The following SLC16A3 variants were observed in gnomAD, a reference collection of about 807,000 sequenced individuals.
SLC16A3 encodes solute carrier family 16 member 3.
In SLC16A3, 22 loss-of-function variants were observed where a neutral mutation model predicts 25.0. That is an observed-to-expected ratio of 0.88 (90% CI 0.63 to 1.26). The LOEUF (loss-of-function observed/expected upper bound fraction) is 1.26. Among genes scored for constraint, SLC16A3 ranks in the 50% most tolerant of loss-of-function variants. The pLI is 0.00. For synonymous variants in SLC16A3, 390 were observed against 309.2 expected (o/e 1.26, Z -2.74); for missense variants, 731 against 666.6 (o/e 1.10, Z -1.06).
At position 82,239,078 on chromosome 17, in the gene SLC16A3, G is replaced by T; in HGVS notation, c.*102G>T. ...ACTGGCTCAGGCAGGGCCACGGCTG[G>T]GCTCCAGCTGCCGGCCCAGCGGATC... On this transcript the variant is annotated 3_prime_UTR_variant, in exon 5 of 5. Coordinates refer to ENST00000582743, the MANE Select transcript of SLC16A3 (RefSeq NM_004207.4). The T allele has an allele frequency of 1.7e-6, 2 of 1,189,224 alleles. No individual in the cohort carries two copies. The highest frequency in any genetic ancestry group is 2.3e-6 in the Non-Finnish European group (2 of 872,286). The allele number at this position is 1,189,224 out of a possible 1,614,324, so 73.7% of individuals were successfully genotyped here.
At chr17:82,226,747 T>C (rs1371557573), upstream of SLC16A3, among the ~76,000 whole-genome samples, 2 of 152,020 alleles carry the variant, frequency 1.3e-5, no homozygotes, top group Non-Finnish European at 2.9e-5. Context: ...GGGTACCTCA[T>C]GCTACCGGAG....
exon 1 of SLC16A3, among the ~76,000 whole-genome samples, chr17:82,218,124 G>A (rs986996215): frequency 3.3e-5 from 5 of 152,364 alleles, no homozygotes; most frequent in South Asian, 2.1e-4. Flanking sequence ...GACCTGGGAT[G>A]CTCCAGGTTG....
rs767321072 is a variant in SLC16A3 at position 82,237,565 on chromosome 17, C to T, written c.795C>T (p.Phe265=). Residue 265 remains phenylalanine, a synonymous_variant, in exon 4 of 5, where the codon TTC becomes TTT. Transcript: ENST00000582743. Reference sequence around the variant, plus strand: ...GCGTGCCCGACACCAAGGCCGCCTTCCTGCTCACCATCCTGGGCTTCATTG... The same window carrying T: ...GCGTGCCCGACACCAAGGCCGCCTTTCTGCTCACCATCCTGGGCTTCATTG... ...DLGVPDTKAA[F]LLTILGFIDI... 1 of 1,611,636 alleles carries T rather than the reference C, an allele frequency of 6.2e-7. No individual in the cohort carries two copies. Among genetic ancestry groups the T allele is most frequent in the Non-Finnish European group, 8.5e-7 (1 of 1,178,986 alleles).
At chr17:82,221,620 T>A (rs2050389554) in intron 1 of SLC16A3, among the ~76,000 whole-genome samples, 1 of 151,592 alleles carries the variant, frequency 6.6e-6, no homozygotes, top group Non-Finnish European at 1.5e-5. Context: ...GACAACCCAA[T>A]ACCAAAGAAG....
intron 1 of SLC16A3, among the ~76,000 whole-genome samples, chr17:82,219,324 C>T (rs947349395): frequency 3.9e-5 from 6 of 152,068 alleles, no homozygotes; most frequent in African/African-American, 1.4e-4. Context: ...TTTGCTGGTG[C>T]CACCTGGGAA....
upstream of SLC16A3, among the ~76,000 whole-genome samples, chr17:82,224,340 A>G (rs1304989345): frequency 9.2e-6 from 1 of 108,374 alleles, no homozygotes; most frequent in Non-Finnish European, 1.9e-5. Flanking sequence ...ACACCTGTGC[A>G]GTCACCTGTG....
rs751442385 is a variant in SLC16A3 at position 82,238,727 on chromosome 17, C to T, written c.1149C>T (p.Val383=). The change falls in exon 5 of 5, where the codon GTC becomes GTT. Residue 383 remains valine, a synonymous_variant. Transcript: ENST00000582743. ...SGGKLLDATH[V]YMYVFILAGA... ...GCAAACTCCTGGATGCGACCCACGT[C>T]TACATGTACGTGTTCATCCTGGCGG... is the stretch of plus-strand genomic sequence containing the variant. 3 of 1,612,092 alleles carry T rather than the reference C, an allele frequency of 1.9e-6. No individual in the cohort carries two copies. The highest frequency in any genetic ancestry group is 8.5e-7 in the Non-Finnish European group (1 of 1,179,698).
In SLC16A3 at chr17:82,237,138, G is replaced by C. The variant is rs1457696085; in HGVS notation, c.368G>C (p.Gly123Ala). 4 of 1,502,692 alleles carry C rather than the reference G, an allele frequency of 2.7e-6. No individual in the cohort carries two copies. The South Asian group carries it at 4.0e-5, about 15-fold the overall frequency. 93.1% of individuals were successfully genotyped at this position (1,502,692 alleles called of 1,614,324 possible). ...TCTCACCACATTCCCTTTCCTCCAG[G>C]GTTGGGTTTGGCACTCAACTTCCAG... ...QVYLTTGVITGLGLALNFQPS... is the reference protein window; with the variant it reads ...QVYLTTGVITALGLALNFQPS... Residue 123 changes from glycine to alanine, a missense_variant and splice_region_variant, in exon 4 of 5, where the codon GGG becomes GCG. Coordinates refer to ENST00000582743, the MANE Select transcript of SLC16A3 (RefSeq NM_004207.4).
upstream of SLC16A3, among the ~76,000 whole-genome samples, chr17:82,227,685 C>CACCACCTGCCCTGGGCGGG (rs1568531681): frequency 6.6e-4 from 7 of 10,624 alleles, 1 homozygote; most frequent in African/African-American, 7.8e-3. Flanking sequence ...TGGGCGGGAG[C>CACCACCTGCCCTGGGCGGG]AGCACGGGCC....
In SLC16A3 at chr17:82,237,390, G is replaced by C; in HGVS notation, c.620G>C (p.Gly207Ala). Reference protein sequence around the residue: ...MRPLVVTAQPGSGPPRPSRRL... With the variant: ...MRPLVVTAQPASGPPRPSRRL... ...CCCCTGGTGGTCACGGCCCAGCCGG[G>C]CTCGGGGCCGCCGCGACCCTCCCGG... Residue 207 changes from glycine (G) to alanine (A), a missense_variant, in exon 4 of 5, where the codon GGC becomes GCC. Physicochemically the swap from Gly to Ala is moderately conservative, Grantham distance 60. Coordinates refer to ENST00000582743, the MANE Select transcript of SLC16A3 (RefSeq NM_004207.4). The C allele has an allele frequency of 6.5e-7, 1 of 1,547,656 alleles. No individual in the cohort carries two copies. The highest frequency in any genetic ancestry group is 8.7e-7 in the Non-Finnish European group (1 of 1,145,310).
chr17:82,225,611 G>A (rs1224475571), upstream of SLC16A3, among the ~76,000 whole-genome samples: 4 of 152,168 alleles, frequency 2.6e-5, no homozygotes, highest in South Asian at 2.1e-4. Context: ...TGGCTCGGCC[G>A]GAATGTCCTT....
At chr17:82,230,892 G>C (rs926448450) in intron 1 of SLC16A3, 3 of 152,296 alleles carry the variant, frequency 2.0e-5, no homozygotes, top group Non-Finnish European at 2.9e-5. Flanking sequence ...CCGGGCTCCT[G>C]CTCCGAGACC....
At position 82,239,917 on chromosome 17, in the gene SLC16A3, C is replaced by T. The variant is rs570883409; in HGVS notation, c.*941C>T. 8 of 1,041,742 alleles carry T rather than the reference C, an allele frequency of 7.7e-6. No homozygotes were observed. The highest frequency in any genetic ancestry group is 9.8e-6 in the Non-Finnish European group (8 of 813,120). 64.5% of individuals were successfully genotyped at this position (1,041,742 alleles called of 1,614,324 possible). A position where few individuals can be genotyped will look rare whatever the true frequency, so the allele number is the denominator to read the frequency against. ...GTCCTGGACACCTAACACCCACCTG[C>T]CCTCGTGGCCAGCAGTGGCCTGCGT... On this transcript the variant is annotated 3_prime_UTR_variant, in exon 5 of 5. Transcript: ENST00000582743.
rs1161155324 is a variant in SLC16A3 at position 82,236,787 on chromosome 17, G to A, written c.282G>A (p.Gly94=). ...GCTGCCGGCCCGTCATGCTTGTGGG[G>A]GGTCTCTTTGCGTCGCTGGGCATGG... ...RFGCRPVMLV[G]GLFASLGMVA... Residue 94 remains glycine, a synonymous_variant, in exon 3 of 5, where the codon GGG becomes GGA. Transcript: ENST00000582743. The A allele has an allele frequency of 1.2e-6, 2 of 1,608,984 alleles. No individual in the cohort carries two copies. Among genetic ancestry groups the A allele is most frequent in the South Asian group, 2.2e-5 (2 of 91,088 alleles).
At chr17:82,238,525 G>A (rs1051234803) in intron 4 of SLC16A3, among the ~76,000 whole-genome samples, 177 bp from the exon 5 acceptor site, 1 of 152,186 alleles carries the variant, frequency 6.6e-6, no homozygotes, top group African/African-American at 2.4e-5. Flanking sequence ...TGAGGAGGAG[G>A]GAGGATGCCC....
intron 4 of SLC16A3, among the ~76,000 whole-genome samples, 158 bp downstream of exon 4, chr17:82,238,051 G>T (rs2050659058): frequency 2.0e-5 from 3 of 152,220 alleles, no homozygotes; most frequent in Admixed American, 1.3e-4. Flanking sequence ...ATTCTGCTGG[G>T]GCTAGCGGGT....
At chr17:82,223,765 CTTT>C (rs1353372407), upstream of SLC16A3, among the ~76,000 whole-genome samples, 1 of 152,072 alleles carries the variant, frequency 6.6e-6, no homozygotes, top group Non-Finnish European at 1.5e-5. Context: ...CCCCACACTT[CTTT>C]CTTTCCCCAC....
intron 1 of SLC16A3, chr17:82,230,740 C>T (rs1244788695): frequency 2.6e-5 from 4 of 152,378 alleles, no homozygotes; most frequent in Admixed American, 6.5e-5. Flanking sequence ...GGCGCAGAGC[C>T]ATTGGAGGTG....
rs567878426 is a variant in SLC16A3, at chr17:82,239,616, G to A, written c.*640G>A. 4 of 242,890 alleles carry A rather than the reference G, an allele frequency of 1.6e-5. No individual in the cohort carries two copies. Among genetic ancestry groups the A allele is most frequent in the African/African-American group, 6.7e-5 (3 of 44,580 alleles). The allele number at this position is 242,890 out of a possible 1,614,324, so 15.0% of individuals were successfully genotyped here. On this transcript the variant is annotated 3_prime_UTR_variant, in exon 5 of 5. Coordinates refer to ENST00000582743, the MANE Select transcript of SLC16A3 (RefSeq NM_004207.4). ...TGCAGCGGCATAGCATTCGTAGCAG[G>A]GGCAGGCGCTGCATGGAGGGGGCTG...
Sources: gnomAD v4.1 joint callset for allele counts (sites outside exome capture counted in the v4.1 genomes callset) on GRCh38, gnomAD v4.1.1 for gene constraint, MANE v1.5 for transcripts, NCBI Gene and HGNC (gene_info 2026-07-23, HGNC 2026-07-21) for gene names.